The following CACNA1E variants were observed in gnomAD, a reference collection of about 807,000 sequenced individuals.
CACNA1E encodes the protein calcium voltage-gated channel subunit alpha1 E.
A neutral mutation model predicts 259.2 loss-of-function variants in CACNA1E; 40 were observed. The observed-to-expected ratio is 0.15, with a 90% CI of 0.12 to 0.20. The LOEUF (loss-of-function observed/expected upper bound fraction) is 0.20. Among genes scored for constraint, CACNA1E ranks in the 10% least tolerant of loss-of-function variants. The pLI is 1.00. For missense variants in CACNA1E, 1,874 were observed against 3,040.1 expected (o/e 0.62, Z 9.02); for synonymous variants, 1,104 against 1,138.5 (o/e 0.97, Z 0.61).
intron 7 of CACNA1E, among the ~76,000 whole-genome samples, chr1:181,680,573 C>A (rs1022998626): frequency 2.6e-5 from 4 of 152,202 alleles, no homozygotes; most frequent in Non-Finnish European, 1.5e-5. Context: ...CTGCTTCTCA[C>A]ACGCCCTGCC....
At chr1:181,456,025 GAGA>G (rs987160806) in intron 2 of CACNA1E, among the ~76,000 whole-genome samples, 5 of 152,204 alleles carry the variant, frequency 3.3e-5, no homozygotes, top group African/African-American at 1.2e-4. Flanking sequence ...CTGTTTGGAG[GAGA>G]AGAATTTGGT....
At chr1:181,784,582 A>G in intron 40 of CACNA1E, 79 bp from the exon 41 acceptor site, 2 of 912,088 alleles carry the variant, frequency 2.2e-6, no homozygotes, top group Non-Finnish European at 3.4e-6. Flanking sequence ...CTGCTGATTC[A>G]GCTCCTACCT....
At chr1:181,470,001 C>T (rs1662388364) in intron 2 of CACNA1E, among the ~76,000 whole-genome samples, 1 of 151,872 alleles carries the variant, frequency 6.6e-6, no homozygotes, top group African/African-American at 2.4e-5. Context: ...TCCAGTGAGT[C>T]ATCCCTCCTG....
chr1:181,768,296 T>TAG (rs934995898), intron 35 of CACNA1E, among the ~76,000 whole-genome samples: 10 of 151,932 alleles, frequency 6.6e-5, no homozygotes, highest in African/African-American at 1.9e-4. Context: ...AATGTATGCA[T>TAG]AGAGAGAGAG....
intron 38 of CACNA1E, among the ~76,000 whole-genome samples, chr1:181,777,361 C>T (rs922870472): frequency 1.3e-5 from 2 of 152,208 alleles, no homozygotes; most frequent in Non-Finnish European, 2.9e-5. Context: ...GAACCCCCTT[C>T]ATAATCAGAG....
In CACNA1E at chr1:181,714,303, G is replaced by A. The variant is rs140918647; in HGVS notation, c.1172-1035G>A. 5.6e-3 allele frequency among the ~76,000 whole-genome samples: 850 copies of A among 152,276 alleles called. 4 individuals are homozygous for A. Among genetic ancestry groups the A allele is most frequent in the Non-Finnish European group, 0.01 (688 of 68,010 alleles). ...TTATAAAGGATACAACTCAGGAACA[G>A]CCCAATGGAAGAGGTATATAGGGCA... is the stretch of plus-strand genomic sequence containing the variant. On this transcript the variant is annotated intron_variant, in intron 8 of 47. Transcript: ENST00000367573.
Position 181,736,426 on chromosome 1 carries a change from C to T in CACNA1E, c.3414C>T (p.Thr1138=). 2 of 1,612,038 alleles carry T rather than the reference C, an allele frequency of 1.2e-6. No individual in the cohort carries two copies. Among genetic ancestry groups the T allele is most frequent in the Non-Finnish European group, 1.7e-6 (2 of 1,179,056 alleles). ...VPHSSMFIFS[T]TNPIRRACHY... ...ACAGCTCAATGTTCATCTTCAGCACCACCAACCCGTAAGCCACCCTCGCGT... is the reference window on the plus strand; with the variant it reads ...ACAGCTCAATGTTCATCTTCAGCACTACCAACCCGTAAGCCACCCTCGCGT... The change falls in exon 22 of 48, where the codon ACC becomes ACT. Residue 1138 remains threonine (T), a synonymous_variant. Transcript: ENST00000367573.
At chr1:181,720,903 A>T in intron 15 of CACNA1E, 48 bp downstream of exon 15, 1 of 1,128,948 alleles carries the variant, frequency 8.9e-7, no homozygotes, top group Non-Finnish European at 1.3e-6. Context: ...GGTCCCTTGG[A>T]CTGCACACTG....
At chr1:181,584,019 C>T (rs1651814275) in intron 6 of CACNA1E, among the ~76,000 whole-genome samples, 1 of 152,196 alleles carries the variant, frequency 6.6e-6, no homozygotes, top group African/African-American at 2.4e-5. Flanking sequence ...CTGTGGCTCG[C>T]TAACCCTCTT....
intron 2 of CACNA1E, among the ~76,000 whole-genome samples, chr1:181,426,148 GGGTCAGGT>G (rs1325392811): frequency 6.6e-6 from 1 of 151,888 alleles, no homozygotes; most frequent in Non-Finnish European, 1.5e-5. Flanking sequence ...GGGTGCACTG[GGGTCAGGT>G]GGTCAGGTCT....
At chr1:181,416,073 A>G (rs1310906288) in intron 2 of CACNA1E, among the ~76,000 whole-genome samples, 4 of 152,228 alleles carry the variant, frequency 2.6e-5, no homozygotes, top group Non-Finnish European at 5.9e-5. Context: ...TCAAGGGATT[A>G]GTAAGTGATT....
At chr1:181,754,594 C>T (rs555851850) in intron 27 of CACNA1E, among the ~76,000 whole-genome samples, 1 of 152,340 alleles carries the variant, frequency 6.6e-6, no homozygotes, top group South Asian at 2.1e-4. Flanking sequence ...CTCGCCATCT[C>T]TAAGAGAAGG....
chr1:181,603,232 C>A (rs975754107), intron 6 of CACNA1E, among the ~76,000 whole-genome samples: 1 of 152,146 alleles, frequency 6.6e-6, no homozygotes, highest in South Asian at 2.1e-4. Flanking sequence ...GTTCTAAGAG[C>A]GCTCTGTGGA....
chr1:181,375,210 G>A (rs552071438), intron 1 of CACNA1E, among the ~76,000 whole-genome samples: 1 of 152,294 alleles, frequency 6.6e-6, no homozygotes, highest in Admixed American at 6.5e-5. Context: ...ACTGAAGTTG[G>A]GGAGACCATG....
chr1:181,628,779 T>G (rs80223426), intron 6 of CACNA1E, among the ~76,000 whole-genome samples: 9,059 of 152,288 alleles, frequency 0.059, 380 homozygotes, highest in South Asian at 0.19. Context: ...GGAATCCTTT[T>G]TTCTCCTTCA....
At chr1:181,771,208 G>T in intron 35 of CACNA1E, 85 bp from the exon 36 acceptor site, 1 of 710,270 alleles carries the variant, frequency 1.4e-6, no homozygotes, top group Non-Finnish European at 2.5e-6. Flanking sequence ...GAAGAGCCAT[G>T]CAAGTGGCTT....
At chr1:181,468,815 AATG>A (rs1276427430) in intron 2 of CACNA1E, among the ~76,000 whole-genome samples, 1 of 152,116 alleles carries the variant, frequency 6.6e-6, no homozygotes, top group Non-Finnish European at 1.5e-5. Context: ...GAAAATGAGA[AATG>A]ATATGGAGGA....
At position 181,757,105 on chromosome 1, in the gene CACNA1E, G is replaced by C. The variant is rs750597963; in HGVS notation, c.4308G>C (p.Glu1436Asp). Residue 1436 changes from glutamate to aspartate, a missense_variant, in exon 30 of 48, where the codon GAG becomes GAC. Physicochemically the swap from Glu to Asp is conservative, Grantham distance 45. Coordinates refer to ENST00000367573, the MANE Select transcript of CACNA1E (RefSeq NM_001205293.3). Reference protein sequence around the residue: ...FQEQGDKMMEECSLEKNERAC... With the variant: ...FQEQGDKMMEDCSLEKNERAC... ...AGCAAGGGGATAAGATGATGGAGGA[G>C]TGCAGCCTGGAGAAGAATGAGGTAA... The C allele has an allele frequency of 1.2e-6, 2 of 1,613,664 alleles. No individual in the cohort carries two copies. Among genetic ancestry groups the C allele is most frequent in the South Asian group, 2.2e-5 (2 of 91,074 alleles).
chr1:181,393,774 C>T (rs1482893891), intron 1 of CACNA1E, among the ~76,000 whole-genome samples: 1 of 152,212 alleles, frequency 6.6e-6, no homozygotes. Context: ...GACTGGTGAT[C>T]TTTTCTGATG....
Sources: gnomAD v4.1 joint callset for allele counts (sites outside exome capture counted in the v4.1 genomes callset) on GRCh38, gnomAD v4.1.1 for gene constraint, MANE v1.5 for transcripts, NCBI Gene and HGNC (gene_info 2026-07-23, HGNC 2026-07-21) for gene names.